ZNF804B: variants seen among roughly 807,000 people sequenced by gnomAD.
ZNF804B encodes the protein zinc finger protein 804B, also known as zinc finger 804B.
Under a neutral mutation model 101.4 loss-of-function variants are expected in ZNF804B, and 80 were observed. The observed-to-expected ratio is 0.79, with a 90% CI of 0.66 to 0.95. ZNF804B has a LOEUF of 0.95. Ranked by LOEUF, ZNF804B falls within the 40% of genes least tolerant of loss-of-function variation. The pLI, the probability that ZNF804B is intolerant of heterozygous loss-of-function variation, is 0.00. For missense variants in ZNF804B, 1,673 were observed against 1,561.9 expected, an observed-to-expected ratio of 1.07 and a Z score of -1.20; for synonymous variants, 622 against 558.8, an observed-to-expected ratio of 1.11 and a Z score of -1.59.
chr7:89,106,577 A>G (rs968684322), intron 1 of ZNF804B, among the ~76,000 whole-genome samples: 2 of 152,124 alleles, frequency 1.3e-5, no homozygotes, highest in African/African-American at 4.8e-5. Flanking sequence ...ATACTATTAC[A>G]ATCTAATGAA....
At chr7:88,868,033 CTGTGTGTGTGTG>C (rs796357574) in intron 1 of ZNF804B, among the ~76,000 whole-genome samples, 3 of 135,034 alleles carry the variant, frequency 2.2e-5, no homozygotes, top group African/African-American at 8.5e-5. Flanking sequence ...CATAATTCTA[CTGTGTGTGTGTG>C]TGAGTGTGTG....
chr7:89,333,337 C>A (rs1165465355), intron 3 of ZNF804B, 26 bp from the exon 4 acceptor site: 2 of 1,515,902 alleles, frequency 1.3e-6, no homozygotes, highest in African/African-American at 2.8e-5. Flanking sequence ...ATCTCTTAAT[C>A]ATTTAAATAT....
At chr7:88,994,634 A>G (rs1172494032) in intron 1 of ZNF804B, among the ~76,000 whole-genome samples, 1 of 152,072 alleles carries the variant, frequency 6.6e-6, no homozygotes, top group Admixed American at 6.6e-5. Flanking sequence ...GTCTTTCATA[A>G]AAGCTATCCT....
At chr7:89,224,049 A>G (rs1407726021) in intron 2 of ZNF804B, among the ~76,000 whole-genome samples, 1 of 152,008 alleles carries the variant, frequency 6.6e-6, no homozygotes, top group Non-Finnish European at 1.5e-5. Flanking sequence ...TGTTAGCTGC[A>G]AATGTATTAC....
In ZNF804B at chr7:88,990,023, AAG is replaced by A. The variant is rs1290791329; in HGVS notation, c.109-228130_109-228129del. 3.9e-5 allele frequency among the ~76,000 whole-genome samples: 6 copies of A among 152,198 alleles called. No individual in the cohort carries two copies. The East Asian group carries it at 9.7e-4, about 24-fold the overall frequency. Reference sequence around the variant, plus strand: ...AATTTGGAAAATTCAGAAAAACAAAAAGAATATAAATCACCTATTGTGGTTCT... The same window carrying A: ...AATTTGGAAAATTCAGAAAAACAAAAAATATAAATCACCTATTGTGGTTCT... On this transcript the variant is annotated intron_variant, in intron 1 of 3. Transcript: ENST00000333190.
intron 1 of ZNF804B, among the ~76,000 whole-genome samples, chr7:89,098,808 A>G (rs1790008682): frequency 6.6e-6 from 1 of 151,888 alleles, no homozygotes; most frequent in Non-Finnish European, 1.5e-5. Context: ...TCTGAACTGT[A>G]AACTGCCAAA....
chr7:88,771,955 A>G (rs1250166963), intron 1 of ZNF804B, among the ~76,000 whole-genome samples: 2 of 152,152 alleles, frequency 1.3e-5, no homozygotes, highest in African/African-American at 4.8e-5. Flanking sequence ...TGTGAAAATA[A>G]TATGTAAACT....
At chr7:89,264,871 A>G (rs1470273936) in intron 2 of ZNF804B, among the ~76,000 whole-genome samples, 2 of 152,144 alleles carry the variant, frequency 1.3e-5, no homozygotes, top group Non-Finnish European at 2.9e-5. Flanking sequence ...TCTCATCCTG[A>G]CTTCAGACTT....
At chr7:89,157,013 AATC>A (rs1475461533) in intron 1 of ZNF804B, among the ~76,000 whole-genome samples, 6 of 152,174 alleles carry the variant, frequency 3.9e-5, no homozygotes, top group African/African-American at 9.7e-5. Flanking sequence ...TGCCACTTGA[AATC>A]ACCCTCATTT....
chr7:89,078,005 G>A (rs1056099148), intron 1 of ZNF804B, among the ~76,000 whole-genome samples: 2 of 151,940 alleles, frequency 1.3e-5, no homozygotes, highest in Non-Finnish European at 2.9e-5. Context: ...ACATAAATAA[G>A]GCTAATAAGA....
chr7:88,844,550 A>G (rs1791341666), intron 1 of ZNF804B, among the ~76,000 whole-genome samples: 1 of 152,192 alleles, frequency 6.6e-6, no homozygotes. Context: ...ATATTATAGT[A>G]TTTTGGAAAT....
intron 1 of ZNF804B, among the ~76,000 whole-genome samples, chr7:89,048,143 A>G (rs1435594590): frequency 2.0e-5 from 3 of 151,676 alleles, no homozygotes; most frequent in Non-Finnish European, 2.9e-5. Flanking sequence ...TGTCATTCTT[A>G]TGCCTTTGCA....
chr7:88,886,470 A>T (rs1370109359), intron 1 of ZNF804B, among the ~76,000 whole-genome samples: 2 of 152,164 alleles, frequency 1.3e-5, no homozygotes, highest in East Asian at 3.9e-4. Flanking sequence ...TTAAATTCAG[A>T]CTTCCCATTT....
intron 1 of ZNF804B, among the ~76,000 whole-genome samples, chr7:89,021,308 A>G (rs1788663777): frequency 6.6e-6 from 1 of 152,020 alleles, no homozygotes; most frequent in Admixed American, 6.6e-5. Flanking sequence ...CAGGAGGTGA[A>G]CTCACAGGAC....
At chr7:89,216,414 C>T (rs1416485780) in intron 1 of ZNF804B, among the ~76,000 whole-genome samples, 1 of 152,180 alleles carries the variant, frequency 6.6e-6, no homozygotes, top group African/African-American at 2.4e-5. Context: ...GCTGTATTCC[C>T]GTCTCACTTC....
intron 1 of ZNF804B, among the ~76,000 whole-genome samples, chr7:88,862,566 G>A (rs780947673): frequency 2.6e-5 from 4 of 152,072 alleles, no homozygotes; most frequent in Non-Finnish European, 5.9e-5. Context: ...TATTCCACGG[G>A]TCCTAAAGTC....
intron 1 of ZNF804B, among the ~76,000 whole-genome samples, chr7:89,003,534 A>G (rs1478285912): frequency 1.3e-5 from 2 of 152,002 alleles, no homozygotes; most frequent in South Asian, 2.1e-4. Flanking sequence ...TAACCAGAAT[A>G]TAGAATTACT....
intron 1 of ZNF804B, among the ~76,000 whole-genome samples, chr7:88,906,281 G>T (rs1488095930): frequency 6.6e-6 from 1 of 151,888 alleles, no homozygotes; most frequent in Non-Finnish European, 1.5e-5. Context: ...TCCACTTTTA[G>T]TTATTTCTTA....
At chr7:88,862,118 G>T (rs1480721640) in intron 1 of ZNF804B, among the ~76,000 whole-genome samples, 1 of 152,050 alleles carries the variant, frequency 6.6e-6, no homozygotes, top group East Asian at 1.9e-4. Context: ...AGAACTTTTG[G>T]GTTGAATTAT....
Sources: gnomAD v4.1 joint callset for allele counts (sites outside exome capture counted in the v4.1 genomes callset) on GRCh38, gnomAD v4.1.1 for gene constraint, MANE v1.5 for transcripts, NCBI Gene and HGNC (gene_info 2026-07-23, HGNC 2026-07-21) for gene names.